The following STXBP5 variants were observed in gnomAD, a reference collection of about 807,000 sequenced individuals.
STXBP5 encodes the protein syntaxin binding protein 5, also known as syntaxin-binding protein 5.
In STXBP5, 50 loss-of-function variants were observed where a neutral mutation model predicts 152.4. The ratio of observed to expected loss-of-function variants is 0.33; its 90% CI spans 0.26 to 0.42. The LOEUF is 0.42. Ranked by LOEUF, STXBP5 falls within the 10% of genes least tolerant of loss-of-function variation. The pLI, the probability that STXBP5 is intolerant of heterozygous loss-of-function variation, is 1.00. For synonymous variants in STXBP5, 492 were observed against 494.7 expected, an observed-to-expected ratio of 0.99 and a Z score of 0.07; for missense variants, 1,167 against 1,388.6, an observed-to-expected ratio of 0.84 and a Z score of 2.54.
At chr6:147,337,641 A>G (rs1432211929) in intron 19 of STXBP5, among the ~76,000 whole-genome samples, 1 of 152,022 alleles carries the variant, frequency 6.6e-6, no homozygotes, top group African/African-American at 2.4e-5. Context: ...TATCAATAAT[A>G]CATTTTTGTA....
intron 5 of STXBP5, among the ~76,000 whole-genome samples, chr6:147,261,153 G>A (rs538359430): frequency 2.6e-5 from 4 of 151,922 alleles, no homozygotes; most frequent in East Asian, 1.9e-4. Flanking sequence ...ACTACTACTT[G>A]ATATGTTTTA....
rs113141075 is a variant in STXBP5 at position 147,334,065 on chromosome 6, T to A, written c.2081-92T>A. ...TGTTAATTTATTGGGTTCTTTTAAA[T>A]GGACAGTAGTTAAATGTGTACTATA... On this transcript the variant is annotated intron_variant, in intron 18 of 27. Transcript: ENST00000321680. 1.9e-3 allele frequency: 2,312 copies of A among 1,234,810 alleles called. 33 individuals are homozygous for A. The African/African-American group carries it at 0.027, about 14-fold the overall frequency. 76.5% of individuals were successfully genotyped at this position (1,234,810 alleles called of 1,614,324 possible).
At chr6:147,303,301 G>A (rs1411963093) in intron 9 of STXBP5, among the ~76,000 whole-genome samples, 2 of 152,106 alleles carry the variant, frequency 1.3e-5, no homozygotes, top group South Asian at 2.1e-4. Context: ...ATGATAGAGA[G>A]TAAGTTCTCA....
At chr6:147,285,993 G>A (rs902975947) in intron 8 of STXBP5, among the ~76,000 whole-genome samples, 9 of 152,172 alleles carry the variant, frequency 5.9e-5, no homozygotes, top group Admixed American at 2.6e-4. Flanking sequence ...ATAAAAGCCA[G>A]CTGACCTTCT....
chr6:147,218,273 T>G (rs1777276789), intron 2 of STXBP5, among the ~76,000 whole-genome samples: 1 of 152,222 alleles, frequency 6.6e-6, no homozygotes, highest in Admixed American at 6.5e-5. Flanking sequence ...ATTACATGTC[T>G]TTCATCATTA....
chr6:147,345,829 T>C (rs1348334201), intron 21 of STXBP5, among the ~76,000 whole-genome samples: 8 of 152,222 alleles, frequency 5.3e-5, no homozygotes, highest in Non-Finnish European at 1.5e-5. Flanking sequence ...TTGTTGGTAT[T>C]GAAATTTGCA....
intron 16 of STXBP5, among the ~76,000 whole-genome samples, chr6:147,321,952 T>C (rs932789950): frequency 3.9e-5 from 6 of 152,232 alleles, no homozygotes; most frequent in Non-Finnish European, 5.9e-5. Context: ...TTTGGCTGCC[T>C]TTTTATTTTT....
chr6:147,215,987 G>T (rs143659976), intron 2 of STXBP5, among the ~76,000 whole-genome samples: 79 of 152,170 alleles, frequency 5.2e-4, no homozygotes, highest in African/African-American at 1.8e-3. Context: ...TGCCTTTAAA[G>T]ATAAAAGTGA....
chr6:147,330,893 T>C (rs1783535413), intron 18 of STXBP5, among the ~76,000 whole-genome samples: 1 of 152,236 alleles, frequency 6.6e-6, no homozygotes, highest in Admixed American at 6.5e-5. Flanking sequence ...AATACAGTTT[T>C]ATTGGAAAAA....
chr6:147,350,751 A>G (rs899649804), intron 21 of STXBP5, among the ~76,000 whole-genome samples: 6 of 152,134 alleles, frequency 3.9e-5, no homozygotes, highest in African/African-American at 9.7e-5. Context: ...TGACAAGTTT[A>G]TATCTCACCT....
intron 4 of STXBP5, among the ~76,000 whole-genome samples, chr6:147,253,295 G>A (rs1007871004): frequency 2.6e-5 from 4 of 152,120 alleles, no homozygotes; most frequent in South Asian, 2.1e-4. Flanking sequence ...ACTAGGTGTC[G>A]ATGGAACGTA....
intron 8 of STXBP5, among the ~76,000 whole-genome samples, chr6:147,290,884 A>G (rs1228953770): frequency 2.0e-5 from 3 of 152,204 alleles, no homozygotes; most frequent in South Asian, 2.1e-4. Flanking sequence ...GTTATTAATT[A>G]TATTTGCTTT....
chr6:147,235,124 C>T lies in STXBP5; in HGVS notation c.249-126C>T, dbSNP rs1406600727. On this transcript the variant is annotated intron_variant, in intron 2 of 27. Transcript: ENST00000321680. Reference sequence around the variant, plus strand: ...ATGTGTAACAAACCTAACTCTAAATCTCAACTTCAGTAAATGGCCTGTATT... The same window carrying T: ...ATGTGTAACAAACCTAACTCTAAATTTCAACTTCAGTAAATGGCCTGTATT... 5 of 712,108 alleles carry T rather than the reference C, an allele frequency of 7.0e-6. No individual in the cohort carries two copies. In the East Asian group the frequency reaches 1.1e-4, roughly 16 times the overall value. The allele number at this position is 712,108 out of a possible 1,614,324, so 44.1% of individuals were successfully genotyped here.
At chr6:147,356,820 T>G (rs1784836170) in intron 22 of STXBP5, among the ~76,000 whole-genome samples, 1 of 152,166 alleles carries the variant, frequency 6.6e-6, no homozygotes, top group South Asian at 2.1e-4. Context: ...TTAACATGTT[T>G]TATAGTTTTC....
intron 21 of STXBP5, among the ~76,000 whole-genome samples, chr6:147,351,118 T>A (rs1433681684): frequency 1.3e-5 from 2 of 152,218 alleles, no homozygotes; most frequent in Non-Finnish European, 2.9e-5. Context: ...GCTTAATGTC[T>A]AAGGACCTTG....
intron 21 of STXBP5, among the ~76,000 whole-genome samples, chr6:147,347,518 G>T (rs1379856623): frequency 6.6e-6 from 1 of 152,154 alleles, no homozygotes; most frequent in African/African-American, 2.4e-5. Flanking sequence ...AAACCTTTGT[G>T]CAAATTGTGA....
At chr6:147,325,498 A>G (rs1442035678) in intron 17 of STXBP5, among the ~76,000 whole-genome samples, 5 of 152,208 alleles carry the variant, frequency 3.3e-5, no homozygotes, top group African/African-American at 9.6e-5. Flanking sequence ...TCTACTTCCA[A>G]TTAACTTGTA....
intron 9 of STXBP5, among the ~76,000 whole-genome samples, chr6:147,301,883 G>A (rs1393437918): frequency 6.6e-6 from 1 of 152,132 alleles, no homozygotes; most frequent in African/African-American, 2.4e-5. Flanking sequence ...CGTGACTTCA[G>A]ACCTGCTACT....
chr6:147,348,780 A>G (rs757649066), intron 21 of STXBP5, among the ~76,000 whole-genome samples: 1 of 152,124 alleles, frequency 6.6e-6, no homozygotes, highest in African/African-American at 2.4e-5. Context: ...GAAAATGCCT[A>G]ACTGATTCAT....
Sources: gnomAD v4.1 joint callset for allele counts (sites outside exome capture counted in the v4.1 genomes callset) on GRCh38, gnomAD v4.1.1 for gene constraint, MANE v1.5 for transcripts, NCBI Gene and HGNC (gene_info 2026-07-23, HGNC 2026-07-21) for gene names.